Variants in CCT3 observed in about 807,000 individuals in gnomAD.
The protein encoded by CCT3 is chaperonin containing TCP1 subunit 3, also known as T-complex protein 1 subunit gamma.
A neutral mutation model predicts 65.3 loss-of-function variants in CCT3; 10 were observed. The ratio of observed to expected loss-of-function variants is 0.15; its 90% confidence interval spans 0.09 to 0.26. CCT3 has a LOEUF of 0.26. Among genes scored for constraint, CCT3 ranks in the 10% least tolerant of loss-of-function variants. The pLI, the probability that CCT3 is intolerant of heterozygous loss-of-function variation, is 1.00. For missense variants in CCT3, 626 were observed against 708.7 expected, an observed-to-expected ratio of 0.88 and a Z score of 1.33; for synonymous variants, 225 against 242.3, an observed-to-expected ratio of 0.93 and a Z score of 0.66.
chr1:156,321,532 T>A (rs1324788900), intron 6 of CCT3, among the ~76,000 whole-genome samples: 1 of 152,188 alleles, frequency 6.6e-6, no homozygotes, highest in African/African-American at 2.4e-5. Context: ...GTATTTACCA[T>A]TTTTATATTA....
intron 5 of CCT3, among the ~76,000 whole-genome samples, chr1:156,329,940 A>G (rs544085826): frequency 2.8e-5 from 4 of 144,648 alleles, no homozygotes; most frequent in African/African-American, 7.5e-5. Flanking sequence ...CTCTGTCTCG[A>G]AAAAAAAAAA....
At chr1:156,315,156 T>G (rs987428324) in intron 10 of CCT3, among the ~76,000 whole-genome samples, 2 of 152,160 alleles carry the variant, frequency 1.3e-5, no homozygotes, top group Non-Finnish European at 2.9e-5. Flanking sequence ...GATGATGACC[T>G]TTTTGATGAT....
chr1:156,332,043 A>AAG (rs34561467), intron 5 of CCT3, among the ~76,000 whole-genome samples: 32 of 149,900 alleles, frequency 2.1e-4, no homozygotes, highest in Admixed American at 4.6e-4. Context: ...AAAAAAAAAA[A>AAG]GAGACATGGT....
At position 156,335,615 on chromosome 1, in the gene CCT3, A is replaced by T. The variant is rs1390121428; in HGVS notation, c.93+212T>A. 1.3e-5 allele frequency: 7 copies of T among 519,108 alleles called. 1 individual carries two copies. In the South Asian group the frequency reaches 2.3e-4, roughly 17 times the overall value. 32.2% of individuals were successfully genotyped at this position (519,108 alleles called of 1,614,324 possible). On this transcript the variant is annotated intron_variant, in intron 2 of 13. Coordinates refer to ENST00000295688, the MANE Select transcript of CCT3 (RefSeq NM_005998.5). ...ATACACAGCAACAGAATAATGCACA[A>T]GTTAATACGAGAAGATTATCAGTCC...
At chr1:156,336,527 T>C (rs1420039548) in intron 1 of CCT3, among the ~76,000 whole-genome samples, 1 of 152,210 alleles carries the variant, frequency 6.6e-6, no homozygotes, top group Non-Finnish European at 1.5e-5. Flanking sequence ...ACCTCATAAT[T>C]GGATGTAATA....
intron 1 of CCT3, among the ~76,000 whole-genome samples, chr1:156,336,831 CATCT>C (rs1665397283): frequency 6.6e-6 from 1 of 152,126 alleles, no homozygotes; most frequent in East Asian, 1.9e-4. Context: ...TTAGGATTTA[CATCT>C]ATCTCAGGGA....
chr1:156,325,882 C>T (rs182768006), intron 5 of CCT3, among the ~76,000 whole-genome samples: 88 of 152,086 alleles, frequency 5.8e-4, no homozygotes, highest in African/African-American at 1.4e-3. Context: ...CACGCCTGGC[C>T]TTCTCTTGAT....
intron 6 of CCT3, 67 bp from the exon 7 acceptor site, chr1:156,321,092 T>G (rs1664536967): frequency 4.0e-6 from 5 of 1,256,972 alleles, no homozygotes; most frequent in Non-Finnish European, 5.7e-6. Flanking sequence ...GTGCCTTATC[T>G]ATACCTCAGT....
At position 156,320,453 on chromosome 1, in the gene CCT3, A is replaced by T. The variant is rs117282489; in HGVS notation, c.609+386T>A. 3.6e-3 allele frequency among the ~76,000 whole-genome samples: 553 copies of T among 152,140 alleles called. 8 individuals carry two copies. Among genetic ancestry groups the T allele is most frequent in the East Asian group, 0.018 (95 of 5,164 alleles). ...AAAACATACCTTGCTCTGATTTAAA[A>T]CTATTTCATTCAAGTAGGGTATGAT... On this transcript the variant is annotated intron_variant, in intron 7 of 13. Coordinates refer to ENST00000295688, the MANE Select transcript of CCT3 (RefSeq NM_005998.5).
At chr1:156,316,250 T>C (rs1664308485) in intron 10 of CCT3, among the ~76,000 whole-genome samples, 1 of 152,152 alleles carries the variant, frequency 6.6e-6, no homozygotes, top group Admixed American at 6.6e-5. Flanking sequence ...TTAAAGTGTA[T>C]AGAAGGATGT....
chr1:156,321,445 A>C (rs1319128770), intron 6 of CCT3, among the ~76,000 whole-genome samples: 1 of 152,170 alleles, frequency 6.6e-6, no homozygotes, highest in Non-Finnish European at 1.5e-5. Context: ...TTTTTAGCTC[A>C]TGGTGTGTCA....
rs746203604 is a variant in CCT3 at position 156,312,046 on chromosome 1, G to A, written c.1150C>T (p.Leu384Phe). Residue 384 changes from leucine (L) to phenylalanine (F), a missense_variant, in exon 11 of 14, where the codon CTC becomes TTC. Transcript: ENST00000295688. ...TACATCCAAGGCTGACTCACCGAGA[G>A]AATCTCTTTGCTAGCCCCCCGGAGG... ...ILLRGASKEI[L>F]SEVERNLQDA... 2 of 1,610,930 alleles carry A rather than the reference G, an allele frequency of 1.2e-6. No individual in the cohort carries two copies. The highest frequency in any genetic ancestry group is 1.7e-6 in the Non-Finnish European group (2 of 1,178,734).
At chr1:156,313,364 G>GAAAAAAAAAAAAAAAAAAAAAA (rs1664166143) in intron 10 of CCT3, among the ~76,000 whole-genome samples, 2 of 79,216 alleles carry the variant, frequency 2.5e-5, no homozygotes, top group Admixed American at 1.4e-4. Context: ...AAAAAAAAAA[G>GAAAAAAAAAAAAAAAAAAAAAA]AGAGAGAGAG....
rs1488696746 is a variant in CCT3 at position 156,334,612 on chromosome 1, T to C, written c.207+101A>G. The C allele has an allele frequency of 1.2e-5, 12 of 1,031,078 alleles. No individual in the cohort carries two copies. The East Asian group carries it at 1.8e-4, about 16-fold the overall frequency. The allele number at this position is 1,031,078 out of a possible 1,614,324, so 63.9% of individuals were successfully genotyped here. On this transcript the variant is annotated intron_variant, in intron 4 of 13. Coordinates refer to ENST00000295688, the MANE Select transcript of CCT3 (RefSeq NM_005998.5). ...CCAACCAGTTTCTGGTAATCTGTTA[T>C]AGCAGCCCTAAAAAACTAATCAGAG...
At position 156,338,227 on chromosome 1, in the gene CCT3, G is replaced by T; in HGVS notation, c.-43C>A. On this transcript the variant is annotated 5_prime_UTR_variant, in exon 1 of 14. Transcript: ENST00000295688. ...CCGGGTACCCAGAGCTGGGGGAACC[G>T]GCAGAACCTTCTGGAGAGAGAGAAC... 1.3e-6 allele frequency: 2 copies of T among 1,565,658 alleles called. No homozygotes were observed. Among genetic ancestry groups the T allele is most frequent in the African/African-American group, 1.3e-5 (1 of 74,458 alleles).
rs760403377 is a variant in CCT3 at position 156,334,717 on chromosome 1, C to T, written c.203G>A (p.Arg68Gln). The T allele has an allele frequency of 4.3e-6, 7 of 1,613,750 alleles. No homozygotes were observed. The highest frequency in any genetic ancestry group is 2.7e-5 in the African/African-American group (2 of 74,900). ...VMTNDGNAIL[R>Q]EIQVQHPAAK... ...AAAACCAAAAACAAAACACACCTCTCGAAGAATGGCATTGCCATCATTGGT... is the reference window on the plus strand; with the variant it reads ...AAAACCAAAAACAAAACACACCTCTTGAAGAATGGCATTGCCATCATTGGT... Residue 68 changes from arginine to glutamine, a missense_variant, in exon 4 of 14, where the codon CGA (arginine) becomes CAA (glutamine). Arg to Gln is a conservative substitution (Grantham distance 43, BLOSUM62 1). Transcript: ENST00000295688.
intron 5 of CCT3, among the ~76,000 whole-genome samples, chr1:156,329,114 C>T (rs983611493): frequency 3.3e-5 from 5 of 152,036 alleles, no homozygotes; most frequent in African/African-American, 9.7e-5. Flanking sequence ...CAAATACTTA[C>T]CACTGTATTA....
At chr1:156,312,264 A>G (rs1312227472) in intron 10 of CCT3, 43 bp from the exon 11 acceptor site, 1 of 1,580,362 alleles carries the variant, frequency 6.3e-7, no homozygotes, top group South Asian at 1.1e-5. Flanking sequence ...GATTTCAGAT[A>G]CTTGTACCCA....
chr1:156,324,384 A>T (rs903400794), intron 6 of CCT3, among the ~76,000 whole-genome samples: 2 of 152,106 alleles, frequency 1.3e-5, no homozygotes, highest in African/African-American at 4.8e-5. Context: ...TTTAAACAAA[A>T]ATTTTTATTC....
Sources: gnomAD v4.1 joint callset for allele counts (sites outside exome capture counted in the v4.1 genomes callset) on GRCh38, gnomAD v4.1.1 for gene constraint, MANE v1.5 for transcripts, NCBI Gene and HGNC (gene_info 2026-07-23, HGNC 2026-07-21) for gene names.